The following XYLT2 variants were observed in gnomAD, a reference collection of about 807,000 sequenced individuals.
The protein encoded by XYLT2 is UDP-D-xylose:proteoglycan core protein beta-D-xylosyltransferase.
XYLT2 carries 37 observed loss-of-function variants against 82.6 expected under a neutral mutation model. That is an observed-to-expected ratio of 0.45 (90% CI 0.34 to 0.59). The LOEUF is 0.59. XYLT2 is among the 20% of genes least tolerant of loss of function. The pLI is 0.01. For missense variants in XYLT2, 934 were observed against 1,181.3 expected (o/e 0.79, Z 3.07); for synonymous variants, 474 against 499.0 (o/e 0.95, Z 0.67).
intron 9 of XYLT2, chr17:50,357,988 C>A: frequency 1.8e-6 from 1 of 569,984 alleles, no homozygotes; most frequent in Non-Finnish European, 3.1e-6. Flanking sequence ...GGGGACTGAC[C>A]TCCACTGCCT....
At chr17:50,359,662 G>C (rs1327026948) in intron 10 of XYLT2, 1 of 367,198 alleles carries the variant, frequency 2.7e-6, no homozygotes, top group Non-Finnish European at 5.0e-6. Flanking sequence ...GAGGGCTCTA[G>C]GAGCCACCAA....
Position 50,346,225 on chromosome 17 carries a change from G to A in XYLT2, c.85G>A (p.Gly29Ser), listed in dbSNP as rs1265834209. The A allele has an allele frequency of 1.6e-6, 2 of 1,265,866 alleles. No individual in the cohort carries two copies. Among genetic ancestry groups the A allele is most frequent in the Admixed American group, 5.8e-5 (2 of 34,504 alleles). The allele number at this position is 1,265,866 out of a possible 1,614,324, so 78.4% of individuals were successfully genotyped here. A position where few individuals can be genotyped will look rare whatever the true frequency, so the allele number is the denominator to read the frequency against. ...ATALAILLLQ[G>S]LVVWSFSGLE... ...GGCGCTGGCCATCCTGCTGCTGCAG[G>A]GCCTGGTAGTGTGGAGCTTCAGCGG... The change falls in exon 1 of 11, where the codon GGC becomes AGC. Residue 29 changes from glycine (G) to serine (S), a missense_variant. Physicochemically the swap from Gly to Ser is moderately conservative, Grantham distance 56. Around this residue, in one of 3 missense-constraint regions of XYLT2, gnomAD observed 371 missense variants for 394.9 expected, o/e 0.94. Coordinates refer to ENST00000017003, the MANE Select transcript of XYLT2 (RefSeq NM_022167.4). The surrounding 1 kb of genome is among the most constrained non-coding windows in gnomAD (Gnocchi z 5.1).
chr17:50,354,891 C>T lies in XYLT2; in HGVS notation c.842C>T (p.Ala281Val). ...DYLHREVVEL[A>V]QGYDNVRVTP... Reference sequence around the variant, plus strand: ...CTGCACCGGGAGGTGGTGGAGCTGGCCCAGGGCTATGATAACGTGCGGGTG... The same window carrying T: ...CTGCACCGGGAGGTGGTGGAGCTGGTCCAGGGCTATGATAACGTGCGGGTG... Residue 281 changes from alanine (A) to valine (V), a missense_variant, in exon 4 of 11, where the codon GCC (alanine) becomes GTC (valine). By Grantham distance (64) the Ala-to-Val change is moderately conservative. Coordinates refer to ENST00000017003, the MANE Select transcript of XYLT2 (RefSeq NM_022167.4). 1 of 1,612,422 alleles carries T rather than the reference C, an allele frequency of 6.2e-7. No individual in the cohort carries two copies. The highest frequency in any genetic ancestry group is 8.5e-7 in the Non-Finnish European group (1 of 1,179,242).
chr17:50,355,629 C>G, intron 5 of XYLT2, 48 bp downstream of exon 5: 1 of 1,606,428 alleles, frequency 6.2e-7, no homozygotes, highest in Non-Finnish European at 8.5e-7. Context: ...TTGTCCCAAC[C>G]CCTCCCACAC....
Position 50,354,854 on chromosome 17 carries a change from C to G in XYLT2, c.805C>G (p.Arg269Gly). The G allele has an allele frequency of 6.2e-7, 1 of 1,613,324 alleles. No individual in the cohort carries two copies. Among genetic ancestry groups the G allele is most frequent in the Non-Finnish European group, 8.5e-7 (1 of 1,179,890 alleles). The change falls in exon 4 of 11, where the codon CGT (arginine) becomes GGT (glycine). Residue 269 changes from arginine (R) to glycine (G), a missense_variant and splice_region_variant. Coordinates refer to ENST00000017003, the MANE Select transcript of XYLT2 (RefSeq NM_022167.4). ...TAGCTGAGTGTCTCCTCCCCACCAG[C>G]GTTCCGACTACCTGCACCGGGAGGT... ...QHFFYIHVDK[R>G]SDYLHREVVE... is the part of the protein sequence containing the mutation.
chr17:50,353,902 T>G lies in XYLT2; in HGVS notation c.408T>G (p.Ala136=). 1 of 1,608,848 alleles carries G rather than the reference T, an allele frequency of 6.2e-7. No individual in the cohort carries two copies. The highest frequency in any genetic ancestry group is 1.1e-5 in the South Asian group (1 of 91,050). Residue 136 remains alanine (A), a synonymous_variant, in exon 2 of 11, where the codon GCT becomes GCG. Coordinates refer to ENST00000017003, the MANE Select transcript of XYLT2 (RefSeq NM_022167.4). ...AAAGEALVGA[A]GFPPHGDTGS... Reference sequence around the variant, plus strand: ...CTGGGGAGGCGCTGGTAGGGGCAGCTGGCTTCCCACCACACGGAGATACAG... The same window carrying G: ...CTGGGGAGGCGCTGGTAGGGGCAGCGGGCTTCCCACCACACGGAGATACAG...
chr17:50,359,022 T>TGTCTCTATGCATTGG (rs1912680942), intron 10 of XYLT2: 1 of 159,698 alleles, frequency 6.3e-6, no homozygotes, highest in Non-Finnish European at 1.4e-5. Flanking sequence ...GCTATCTTGT[T>TGTCTCTATGCATTGG]CCTCATCCTG....
chr17:50,354,535 C>T lies in XYLT2; in HGVS notation c.756C>T (p.Leu252=). 1 of 1,613,250 alleles carries T rather than the reference C, an allele frequency of 6.2e-7. No individual in the cohort carries two copies. Among genetic ancestry groups the T allele is most frequent in the Non-Finnish European group, 8.5e-7 (1 of 1,179,800 alleles). ...GRAIRQLKRL[L]KAVYHEQHFF... ...CCATCCGCCAGCTGAAGCGTCTCCT[C>T]AAGGCCGTTTATCACGAGCAGCACT... Residue 252 remains leucine (L), a synonymous_variant, in exon 3 of 11, where the codon CTC becomes CTT. Transcript: ENST00000017003.
chr17:50,354,001 A>T lies in XYLT2; in HGVS notation c.507A>T (p.Ala169=). The T allele has an allele frequency of 6.2e-7, 1 of 1,606,966 alleles. No individual in the cohort carries two copies. The highest frequency in any genetic ancestry group is 8.5e-7 in the Non-Finnish European group (1 of 1,179,906). The change falls in exon 2 of 11, where the codon GCA becomes GCT. Residue 169 remains alanine (A), a synonymous_variant. Transcript: ENST00000017003. ...TPKCEIVGKD[A]LSALARASTK... ...AGTGCGAGATCGTGGGCAAGGACGCACTGTCTGCACTGGCCCGGGCCAGCA... is the reference window on the plus strand; with the variant it reads ...AGTGCGAGATCGTGGGCAAGGACGCTCTGTCTGCACTGGCCCGGGCCAGCA...
rs1912457606 is a variant in XYLT2 at position 50,354,998 on chromosome 17, G to A, written c.949G>A (p.Val317Met). 6.5e-7 allele frequency: 1 copy of A among 1,549,246 alleles called. No individual in the cohort carries two copies. The highest frequency in any genetic ancestry group is 8.7e-7 in the Non-Finnish European group (1 of 1,147,974). Residue 317 changes from valine to methionine, a missense_variant, in exon 4 of 11, where the codon GTG (valine) becomes ATG (methionine). Around this residue, in one of 3 missense-constraint regions of XYLT2, gnomAD observed 189 missense variants for 320.8 expected, o/e 0.59. Transcript: ENST00000017003. ...YLRSMRDLLE[V>M]PGWAWDFFIN... ...GCGGAGCATGCGGGACCTGCTAGAG[G>A]TGCCTGGCTGGGCCTGGGACTTCTT...
At position 50,357,265 on chromosome 17, in the gene XYLT2, C is replaced by G; in HGVS notation, c.1941+13C>G. The G allele has an allele frequency of 6.4e-7, 1 of 1,560,800 alleles. No individual in the cohort carries two copies. Among genetic ancestry groups the G allele is most frequent in the East Asian group, 2.3e-5 (1 of 43,634 alleles). On this transcript the variant is annotated intron_variant, in intron 9 of 10. Coordinates refer to ENST00000017003, the MANE Select transcript of XYLT2 (RefSeq NM_022167.4). ...CCAGAGTCTGGAGGTGGGACAGGTC[C>G]CCCACTTGCTTTCTCCCAACCCCCA...
At chr17:50,354,690 CTG>C (rs1212316375) in intron 3 of XYLT2, 107 bp downstream of exon 3, 3 of 1,517,258 alleles carry the variant, frequency 2.0e-6, no homozygotes, top group South Asian at 1.2e-5. Flanking sequence ...AGGAGGGAAA[CTG>C]AGGCCCTGAA....
chr17:50,356,410 A>C, intron 7 of XYLT2, 101 bp from the exon 8 acceptor site: 2 of 1,552,088 alleles, frequency 1.3e-6, no homozygotes, highest in Non-Finnish European at 1.7e-6. Context: ...CAGCAGGAAA[A>C]GCCGCAGGAG....
At position 50,356,277 on chromosome 17, in the gene XYLT2, C is replaced by T. The variant is rs559993814; in HGVS notation, c.1482+16C>T. The T allele has an allele frequency of 1.3e-4, 209 of 1,610,706 alleles. 2 individuals are homozygous for T. In the South Asian group the frequency reaches 2.2e-3, roughly 17 times the overall value. ...CCGGCTGCAGGTGCTTGCCCGAGGC[C>T]CCAAGGCCCCTGGCTAGGTCTTCTC... is the stretch of plus-strand genomic sequence containing the variant. On this transcript the variant is annotated intron_variant, in intron 7 of 10. Coordinates refer to ENST00000017003, the MANE Select transcript of XYLT2 (RefSeq NM_022167.4).
At chr17:50,351,469 T>C (rs551248856) in intron 1 of XYLT2, among the ~76,000 whole-genome samples, 160 of 152,160 alleles carry the variant, frequency 1.1e-3, no homozygotes, top group African/African-American at 3.7e-3. Context: ...ACCCCATCTC[T>C]ATTAAAAATA....
At chr17:50,347,040 C>A (rs1394174529) in intron 1 of XYLT2, 7 of 613,602 alleles carry the variant, frequency 1.1e-5, no homozygotes, top group African/African-American at 2.0e-5. Flanking sequence ...AACCAACAGC[C>A]GTCTCAGCCC....
Position 50,353,757 on chromosome 17 carries a change from CAG to C in XYLT2, c.264_265del (p.Gly89SerfsTer131). The C allele has an allele frequency of 6.4e-7, 1 of 1,558,412 alleles. No individual in the cohort carries two copies. Among genetic ancestry groups the C allele is most frequent in the Non-Finnish European group, 8.7e-7 (1 of 1,151,320 alleles). Reference sequence around the variant, plus strand: ...CGCTGGCGGGGCCGTGCTGAGAGCCCAGGAGTGCCCGTGGCCAAGGTGGTACG... The same window carrying C: ...CGCTGGCGGGGCCGTGCTGAGAGCCCGAGTGCCCGTGGCCAAGGTGGTACG... On this transcript the variant is annotated frameshift_variant, in exon 2 of 11. Transcript: ENST00000017003. LOFTEE classifies it high-confidence loss of function.
At position 50,346,331 on chromosome 17, in the gene XYLT2, G is replaced by GGCGGGGCT. The variant is rs1912035636; in HGVS notation, c.135+62_135+69dup. The GGCGGGGCT allele has an allele frequency of 2.0e-6, 2 of 1,009,476 alleles. No individual in the cohort carries two copies. Among genetic ancestry groups the GGCGGGGCT allele is most frequent in the South Asian group, 8.9e-5 (2 of 22,398 alleles). The allele number at this position is 1,009,476 out of a possible 1,614,324, so 62.5% of individuals were successfully genotyped here. On this transcript the variant is annotated intron_variant, in intron 1 of 10. Coordinates refer to ENST00000017003, the MANE Select transcript of XYLT2 (RefSeq NM_022167.4). This position sits in a 1 kb window ranked among gnomAD's most constrained non-coding sequence, Gnocchi z 5.1. ...CGGGCGCGGGGGCGCGCGGGGTCCT[G>GGCGGGGCT]GCGGGGCTGCGGGCGGCCCCAGCCG...
chr17:50,353,534 C>T (rs1393154902), intron 1 of XYLT2, 96 bp from the exon 2 acceptor site: 2 of 1,492,058 alleles, frequency 1.3e-6, no homozygotes, highest in South Asian at 2.7e-5. Context: ...TGGGCAGGAA[C>T]ATCTAGGTCT....
Sources: allele counts gnomAD v4.1 joint callset (sites outside exome capture counted in the v4.1 genomes callset), GRCh38; gene constraint gnomAD v4.1.1; regional missense constraint gnomAD v4.1.1; non-coding constraint Gnocchi (gnomAD v3.1); transcripts MANE v1.5; gene names NCBI Gene and HGNC (gene_info 2026-07-23, HGNC 2026-07-21).